The following ADGRE2 variants were observed in gnomAD, a reference collection of about 807,000 sequenced individuals.
ADGRE2 encodes the protein CD97 antigen.
ADGRE2 carries 83 observed loss-of-function variants against 100.8 expected under a neutral mutation model. The observed-to-expected ratio is 0.82, with a 90% confidence interval of 0.69 to 0.99. The LOEUF (loss-of-function observed/expected upper bound fraction) is 0.99, where lower values mean the gene tolerates loss of function less well. ADGRE2 is among the 50% of genes least tolerant of loss of function. ADGRE2 has a pLI of 0.00. For synonymous variants in ADGRE2, 355 were observed against 413.0 expected, an observed-to-expected ratio of 0.86 and a Z score of 1.70; for missense variants, 814 against 1,035.7, an observed-to-expected ratio of 0.79 and a Z score of 2.94.
At chr19:14,758,502 A>T (rs928254598) in intron 11 of ADGRE2, among the ~76,000 whole-genome samples, 1 of 152,248 alleles carries the variant, frequency 6.6e-6, no homozygotes, top group African/African-American at 2.4e-5. Flanking sequence ...GTAAATACCC[A>T]AGTTTCACTG....
chr19:14,743,707 G>T lies in ADGRE2; in HGVS notation c.2261C>A (p.Pro754Gln), dbSNP rs774168050. ...GAGGTAGGCCATGACCCGGGCAGCCGGACCCACCTGCAAGATGCCCAGACA... is the reference window on the plus strand; with the variant it reads ...GAGGTAGGCCATGACCCGGGCAGCCTGACCCACCTGCAAGATGCCCAGACA... ...TWCLGILQVG[P>Q]AARVMAYLFT... Residue 754 changes from proline (P) to glutamine (Q), a missense_variant, in exon 19 of 21, where the codon CCG becomes CAG. Physicochemically the swap from Pro to Gln is moderately conservative, Grantham distance 76. Transcript: ENST00000315576. 2 of 1,614,026 alleles carry T rather than the reference G, an allele frequency of 1.2e-6. No individual in the cohort carries two copies. Among genetic ancestry groups the T allele is most frequent in the Non-Finnish European group, 1.7e-6 (2 of 1,180,028 alleles).
At chr19:14,753,796 A>T (rs1376369601) in intron 14 of ADGRE2, among the ~76,000 whole-genome samples, 4 of 152,226 alleles carry the variant, frequency 2.6e-5, no homozygotes, top group Non-Finnish European at 5.9e-5. Flanking sequence ...TCTAAAAAAA[A>T]AAAAAAGGCA....
intron 20 of ADGRE2, among the ~76,000 whole-genome samples, chr19:14,739,882 C>T (rs959316187): frequency 3.3e-5 from 5 of 152,164 alleles, no homozygotes; most frequent in Admixed American, 1.3e-4. Flanking sequence ...GGGCAGATGG[C>T]TTGAGGCCAG....
chr19:14,771,398 C>A lies in ADGRE2; in HGVS notation c.355+944G>T, dbSNP rs1291728790. Among the ~76,000 whole-genome samples, 6 of 152,274 alleles carry A rather than the reference C, an allele frequency of 3.9e-5. No individual in the cohort carries two copies. The East Asian group carries it at 7.7e-4, about 20-fold the overall frequency. On this transcript the variant is annotated intron_variant, in intron 5 of 20. Transcript: ENST00000315576. The stretch of plus-strand genomic sequence containing the variant: ...GGTTCCCATCTGGCCTTGCAGATGT[C>A]TGAAGCTCCCTCCCGCACCCAACTA...
At chr19:14,763,676 CCTT>C (rs2043816041) in intron 11 of ADGRE2, among the ~76,000 whole-genome samples, 1 of 128,904 alleles carries the variant, frequency 7.8e-6, no homozygotes, top group African/African-American at 2.9e-5. Flanking sequence ...CTCCTCTCCT[CCTT>C]CTCTTCTCCT....
the ADGRE2 span, among the ~76,000 whole-genome samples, chr19:14,727,024 C>CT: frequency 0.018 from 1,231 of 70,038 alleles, 13 homozygotes; most frequent in Middle Eastern, 0.034. Context: ...AGAAAAGAGG[C>CT]TTTTTTTTTT....
rs2044330015 is a variant in ADGRE2 at position 14,774,169 on chromosome 19, C to T, written c.82+87G>A. On this transcript the variant is annotated intron_variant, in intron 3 of 20. Coordinates refer to ENST00000315576, the MANE Select transcript of ADGRE2 (RefSeq NM_013447.4). ...TTCCCGTGCACGAGCCCTCTCTTTC[C>T]CTGGGCTGAAGGGGGCTGGGCGGGG... The T allele has an allele frequency of 2.6e-6, 4 of 1,522,170 alleles. No homozygotes were observed. The Admixed American group carries it at 5.1e-5, about 19-fold the overall frequency. The allele number at this position is 1,522,170 out of a possible 1,614,324, so 94.3% of individuals were successfully genotyped here.
intron 11 of ADGRE2, among the ~76,000 whole-genome samples, chr19:14,756,569 A>G (rs2043509236): frequency 6.6e-6 from 1 of 152,216 alleles, no homozygotes. Context: ...CTCAAGAAGA[A>G]ATAGAAGATC....
chr19:14,728,352 G>A (rs1408723192), downstream of ADGRE2, among the ~76,000 whole-genome samples: 1 of 152,214 alleles, frequency 6.6e-6, no homozygotes, highest in Non-Finnish European at 1.5e-5. Flanking sequence ...CTCTTCTTAT[G>A]CTAGGGTGTG....
intron 16 of ADGRE2, among the ~76,000 whole-genome samples, chr19:14,748,306 G>A (rs2147187122): frequency 1.6e-5 from 1 of 61,240 alleles, no homozygotes; most frequent in South Asian, 7.4e-4. Context: ...CAAAGGACAT[G>A]ATCTTGTTAT....
chr19:14,760,391 C>T (rs2043673879), intron 11 of ADGRE2, among the ~76,000 whole-genome samples: 1 of 152,084 alleles, frequency 6.6e-6, no homozygotes, highest in Non-Finnish European at 1.5e-5. Flanking sequence ...ACAAGTTTTG[C>T]TGAAGGTGTG....
Position 14,752,387 on chromosome 19 carries a change from A to G in ADGRE2, c.1730T>C (p.Leu577Pro), listed in dbSNP as rs2043327153. Reference protein sequence around the residue: ...TSTSLHLQLSLCLFLAHLLFL... With the variant: ...TSTSLHLQLSPCLFLAHLLFL... ...GAGGAGGTGGGCCAGGAAGAGGCAG[A>G]GCGAGAGCTGCAGATGCAGTGAGGT... The change falls in exon 15 of 21, where the codon CTC (leucine) becomes CCC (proline). Residue 577 changes from leucine (L) to proline (P), a missense_variant. Leu to Pro is a moderately conservative substitution (Grantham distance 98, BLOSUM62 -3). Around this residue, in one of 5 missense-constraint regions of ADGRE2, gnomAD observed 569 missense variants for 692.7 expected, o/e 0.82. Transcript: ENST00000315576. 6.2e-7 allele frequency: 1 copy of G among 1,614,084 alleles called. No homozygotes were observed. The highest frequency in any genetic ancestry group is 1.3e-5 in the African/African-American group (1 of 74,942).
Position 14,746,908 on chromosome 19 carries a change from G to A in ADGRE2, c.2079C>T (p.Cys693=), listed in dbSNP as rs61732001. 2,958 of 1,613,710 alleles carry A rather than the reference G, an allele frequency of 1.8e-3. 49 individuals are homozygous for A. The African/African-American group carries it at 0.034, about 19-fold the overall frequency. The change falls in exon 17 of 21, where the codon TGC becomes TGT. Residue 693 remains cysteine (C), a synonymous_variant. Coordinates refer to ENST00000315576, the MANE Select transcript of ADGRE2 (RefSeq NM_013447.4). ...GFIWGFLGPV[C]AIFSVNLVLF... ...TGATGTCACTCACAGAGAAGATGGC[G>A]CAGACAGGTCCAAGGAAGCCCCATA...
Position 14,748,356 on chromosome 19 carries a change from T to TTC in ADGRE2, c.2025-1395_2025-1394insGA, listed in dbSNP as rs544679012. On this transcript the variant is annotated intron_variant, in intron 16 of 20. Coordinates refer to ENST00000315576, the MANE Select transcript of ADGRE2 (RefSeq NM_013447.4). ...ATGGAGTCTCGCTCTGTGGCCAGGC[T>TTC]GAAGTGCAATGGAGCCATCTTGGCT... Among the ~76,000 whole-genome samples, 449 of 152,242 alleles carry TTC rather than the reference T, an allele frequency of 2.9e-3. 2 individuals carry two copies. Among genetic ancestry groups the TTC allele is most frequent in the African/African-American group, 0.01 (430 of 41,526 alleles).
chr19:14,741,643 T>A (rs2732791), intron 20 of ADGRE2: 56,713 of 138,350 alleles, frequency 0.41, 10,923 homozygotes, highest in African/African-American at 0.49. Flanking sequence ...CGCCTGGCTA[T>A]TTTTTTTTTT....
chr19:14,727,089 G>A, the ADGRE2 span, among the ~76,000 whole-genome samples: 11 of 130,026 alleles, frequency 8.5e-5, no homozygotes, highest in East Asian at 2.5e-4. Context: ...GTGCAGTGGC[G>A]CAATCTTGGC....
chr19:14,745,047 G>A (rs977281659), intron 18 of ADGRE2, among the ~76,000 whole-genome samples: 1 of 151,764 alleles, frequency 6.6e-6, no homozygotes, highest in Non-Finnish European at 1.5e-5. Flanking sequence ...CCGCCACCAC[G>A]CCCAGCTAAT....
intron 11 of ADGRE2, among the ~76,000 whole-genome samples, chr19:14,759,815 AT>A (rs71333311): frequency 0.026 from 2,501 of 95,516 alleles, 24 homozygotes; most frequent in South Asian, 0.049. Context: ...TATTAAGCAG[AT>A]TTTTTTTTTT....
At chr19:14,743,223 G>A (rs931971043) in intron 20 of ADGRE2, among the ~76,000 whole-genome samples, 197 bp downstream of exon 20, 6 of 151,936 alleles carry the variant, frequency 3.9e-5, no homozygotes, top group South Asian at 2.1e-4. Flanking sequence ...CAGTGATGCT[G>A]GGATGACAGG....
Sources: allele counts gnomAD v4.1 joint callset (sites outside exome capture counted in the v4.1 genomes callset), GRCh38; gene constraint gnomAD v4.1.1; regional missense constraint gnomAD v4.1.1; transcripts MANE v1.5; gene names NCBI Gene and HGNC (gene_info 2026-07-23, HGNC 2026-07-21).